MAP2K4: variants seen among roughly 807,000 people sequenced by gnomAD.
MAP2K4 encodes dual specificity mitogen-activated protein kinase kinase 4.
MAP2K4 carries 4 observed loss-of-function variants against 48.5 expected under a neutral mutation model. The observed-to-expected ratio is 0.08, with a 90% CI of 0.04 to 0.19. The LOEUF (loss-of-function observed/expected upper bound fraction) is 0.19, where lower values mean the gene tolerates loss of function less well. Ranked by LOEUF, MAP2K4 falls within the 10% of genes least tolerant of loss-of-function variation. The pLI, the probability that MAP2K4 is intolerant of heterozygous loss-of-function variation, is 1.00. For synonymous variants in MAP2K4, 166 were observed against 173.1 expected, an observed-to-expected ratio of 0.96 and a Z score of 0.32; for missense variants, 258 against 493.3, an observed-to-expected ratio of 0.52 and a Z score of 4.52.
chr17:12,088,407 ATAT>A (rs955364170), intron 3 of MAP2K4, among the ~76,000 whole-genome samples: 5 of 143,088 alleles, frequency 3.5e-5, no homozygotes, highest in African/African-American at 1.3e-4. Context: ...CTGTGTTGTA[ATAT>A]TATATATAAA....
At chr17:12,070,577 A>G (rs1432560460) in intron 2 of MAP2K4, among the ~76,000 whole-genome samples, 3 of 152,216 alleles carry the variant, frequency 2.0e-5, no homozygotes, top group Non-Finnish European at 4.4e-5. Context: ...GAAAAAGGAT[A>G]TAGAAAATAT....
At chr17:12,030,755 CCTCTT>C (rs1969412550) in intron 1 of MAP2K4, among the ~76,000 whole-genome samples, 1 of 152,002 alleles carries the variant, frequency 6.6e-6, no homozygotes, top group African/African-American at 2.4e-5. Flanking sequence ...ATTTTGTTCA[CCTCTT>C]CTCTCTCCTT....
chr17:12,035,770 CTG>C (rs1404834704), intron 1 of MAP2K4, among the ~76,000 whole-genome samples: 12 of 152,118 alleles, frequency 7.9e-5, no homozygotes, highest in Admixed American at 6.5e-5. Flanking sequence ...TCTGATAAGT[CTG>C]AGTACTGGCT....
chr17:12,115,427 T>C, intron 7 of MAP2K4: 2 of 466,224 alleles, frequency 4.3e-6, no homozygotes, highest in East Asian at 1.0e-4. Flanking sequence ...ATACAGCATG[T>C]TACTGTACTA....
intron 1 of MAP2K4, among the ~76,000 whole-genome samples, chr17:12,047,638 T>C (rs1171341854): frequency 6.6e-6 from 1 of 152,254 alleles, no homozygotes; most frequent in African/African-American, 2.4e-5. Flanking sequence ...CAAAGCAAGC[T>C]GAATTCTTTG....
intron 2 of MAP2K4, among the ~76,000 whole-genome samples, chr17:12,078,186 G>C (rs1971074724): frequency 6.6e-6 from 1 of 152,204 alleles, no homozygotes; most frequent in Non-Finnish European, 1.5e-5. Context: ...TAGGGAGGAT[G>C]AAGAGGAGAA....
chr17:12,126,653 C>T (rs534392643), intron 8 of MAP2K4, among the ~76,000 whole-genome samples: 1 of 152,208 alleles, frequency 6.6e-6, no homozygotes, highest in East Asian at 1.9e-4. Context: ...GATCCACCAC[C>T]AAATACCATC....
At chr17:12,106,068 A>G (rs953468082) in intron 4 of MAP2K4, among the ~76,000 whole-genome samples, 2 of 152,154 alleles carry the variant, frequency 1.3e-5, no homozygotes, top group East Asian at 1.9e-4. Context: ...TATAAGTAGA[A>G]AGTAGGAGAG....
chr17:12,097,391 G>T lies in MAP2K4; in HGVS notation c.513+1697G>T, dbSNP rs557789879. On this transcript the variant is annotated intron_variant, in intron 4 of 10. Coordinates refer to ENST00000353533, the MANE Select transcript of MAP2K4 (RefSeq NM_003010.4). ...TTTGTTCATTTATTTAATCATTCAT[G>T]TACCATTTACACACCTAGCCTTGGG... 6.6e-5 allele frequency among the ~76,000 whole-genome samples: 10 copies of T among 152,298 alleles called. No homozygotes were observed. The South Asian group carries it at 1.9e-3, about 28-fold the overall frequency.
intron 1 of MAP2K4, among the ~76,000 whole-genome samples, chr17:12,039,532 A>G (rs765265459): frequency 5.3e-5 from 8 of 152,216 alleles, no homozygotes; most frequent in Non-Finnish European, 1.0e-4. Context: ...AATACTTTAA[A>G]GCAAATTCTG....
At chr17:12,126,104 G>A (rs1376720254) in intron 8 of MAP2K4, among the ~76,000 whole-genome samples, 1 of 152,104 alleles carries the variant, frequency 6.6e-6, no homozygotes, top group Non-Finnish European at 1.5e-5. Context: ...CCACCCTCAT[G>A]ATCCAATCAC....
At chr17:12,136,101 C>T (rs920374637) in intron 9 of MAP2K4, among the ~76,000 whole-genome samples, 5 of 152,066 alleles carry the variant, frequency 3.3e-5, no homozygotes, top group Admixed American at 6.5e-5. Flanking sequence ...TCCTCTTGCC[C>T]CCAGTTGATG....
chr17:12,065,169 ATATGCT>A (rs1970568769), intron 2 of MAP2K4, among the ~76,000 whole-genome samples: 3 of 151,872 alleles, frequency 2.0e-5, no homozygotes, highest in Non-Finnish European at 4.4e-5. Flanking sequence ...ATTGAGCCAC[ATATGCT>A]TATGATTTGT....
intron 2 of MAP2K4, among the ~76,000 whole-genome samples, chr17:12,064,640 A>G (rs1200122722): frequency 1.3e-5 from 2 of 152,206 alleles, no homozygotes. Flanking sequence ...TGGTACAACC[A>G]CTTTAGAAAA....
chr17:12,092,250 C>A (rs1971587037), intron 3 of MAP2K4, among the ~76,000 whole-genome samples: 1 of 152,034 alleles, frequency 6.6e-6, no homozygotes, highest in African/African-American at 2.4e-5. Flanking sequence ...AGTTTTTTAT[C>A]AATGGTTGTT....
intron 4 of MAP2K4, among the ~76,000 whole-genome samples, chr17:12,103,148 TC>T (rs1168987823): frequency 4.0e-5 from 6 of 151,430 alleles, no homozygotes; most frequent in Non-Finnish European, 8.8e-5. Flanking sequence ...CAAGGGATCT[TC>T]CCACATCAGT....
chr17:12,100,832 A>C (rs1233620397), intron 4 of MAP2K4, among the ~76,000 whole-genome samples: 2 of 152,052 alleles, frequency 1.3e-5, no homozygotes, highest in African/African-American at 4.8e-5. Context: ...ATGTCTTTTC[A>C]TGTGCTTATT....
At chr17:12,107,638 G>A in intron 4 of MAP2K4, 152 bp from the exon 5 acceptor site, 2 of 631,838 alleles carry the variant, frequency 3.2e-6, no homozygotes, top group Non-Finnish European at 2.6e-6. Flanking sequence ...ATATTCTGTT[G>A]AAGGCTTTAA....
intron 2 of MAP2K4, among the ~76,000 whole-genome samples, chr17:12,076,857 T>TTGTG (rs57224781): frequency 0.17 from 25,433 of 150,866 alleles, 2,482 homozygotes; most frequent in South Asian, 0.3. Context: ...TGTTTGTATT[T>TTGTG]TGTGTGTGTG....
Sources: gnomAD v4.1 joint callset for allele counts (sites outside exome capture counted in the v4.1 genomes callset) on GRCh38, gnomAD v4.1.1 for gene constraint, MANE v1.5 for transcripts, NCBI Gene and HGNC (gene_info 2026-07-23, HGNC 2026-07-21) for gene names.